LRMDA: variants seen among roughly 807,000 people sequenced by gnomAD.
LRMDA encodes leucine-rich melanocyte differentiation-associated protein.
In LRMDA, 18 loss-of-function variants were observed where a neutral mutation model predicts 29.8. That is an observed-to-expected ratio of 0.60 (90% CI 0.42 to 0.90). LRMDA has a LOEUF of 0.90. LRMDA is among the 40% of genes least tolerant of loss of function. The pLI, the probability that LRMDA is intolerant of heterozygous loss-of-function variation, is 0.00. For missense variants in LRMDA, 273 were observed against 273.9 expected (o/e 1.00, Z 0.02); for synonymous variants, 125 against 109.4 (o/e 1.14, Z -0.89).
At chr10:76,385,422 C>T (rs942487947) in intron 6 of LRMDA, among the ~76,000 whole-genome samples, 3 of 152,004 alleles carry the variant, frequency 2.0e-5, no homozygotes, top group African/African-American at 7.3e-5. Flanking sequence ...CCTGGGAGAC[C>T]CCAAAAGGTA....
At chr10:76,151,181 C>CAAAACGA (rs1425579526) in intron 5 of LRMDA, among the ~76,000 whole-genome samples, 2 of 152,178 alleles carry the variant, frequency 1.3e-5, no homozygotes, top group African/African-American at 4.8e-5. Context: ...TCTTCGTTGT[C>CAAAACGA]AGCTTTTGGT....
At chr10:76,145,669 T>G (rs4483530) in intron 5 of LRMDA, among the ~76,000 whole-genome samples, 104,519 of 150,836 alleles carry the variant, frequency 0.69, 36,792 homozygotes, top group East Asian at 0.85. Context: ...TTTTTGAAGG[T>G]ATTTTTGTGT....
intron 2 of LRMDA, among the ~76,000 whole-genome samples, chr10:75,562,152 T>A (rs1006518072): frequency 2.6e-5 from 4 of 152,174 alleles, no homozygotes; most frequent in South Asian, 4.2e-4. Context: ...CCCATTATTA[T>A]TGTGTGGGAG....
At chr10:75,857,287 G>C (rs1844843721) in intron 2 of LRMDA, among the ~76,000 whole-genome samples, 1 of 152,178 alleles carries the variant, frequency 6.6e-6, no homozygotes, top group African/African-American at 2.4e-5. Context: ...GGGGCCAGAG[G>C]CTTTGGCATG....
intron 2 of LRMDA, among the ~76,000 whole-genome samples, chr10:75,573,718 A>G (rs1349307276): frequency 6.6e-6 from 1 of 152,184 alleles, no homozygotes. Context: ...AATAACATTC[A>G]GTTCTACTTG....
At chr10:75,815,289 C>T (rs1771956711) in intron 2 of LRMDA, among the ~76,000 whole-genome samples, 1 of 152,186 alleles carries the variant, frequency 6.6e-6, no homozygotes, top group African/African-American at 2.4e-5. Flanking sequence ...AACTTACTCA[C>T]CAGTATGTAG....
At position 76,552,617 on chromosome 10, in the gene LRMDA, G is replaced by T. The variant is rs148408500; in HGVS notation, c.602-4592G>T. ...CTAAAATGAACCTCTGAGATTATCT[G>T]GCCCCTTGCCCTTGTTTTACAAATG... On this transcript the variant is annotated intron_variant, in intron 6 of 6. Transcript: ENST00000611255. Among the ~76,000 whole-genome samples, 265 of 152,310 alleles carry T rather than the reference G, an allele frequency of 1.7e-3. 3 individuals carry two copies. Among genetic ancestry groups the T allele is most frequent in the Admixed American group, 3.5e-3 (54 of 15,298 alleles).
intron 2 of LRMDA, among the ~76,000 whole-genome samples, chr10:75,944,933 G>T (rs994496804): frequency 1.3e-5 from 2 of 151,656 alleles, no homozygotes; most frequent in Non-Finnish European, 2.9e-5. Flanking sequence ...CTACTTTAAA[G>T]CATTTGAGTC....
At chr10:75,457,118 AC>A (rs376756140) in intron 2 of LRMDA, among the ~76,000 whole-genome samples, 26 of 152,328 alleles carry the variant, frequency 1.7e-4, no homozygotes, top group Admixed American at 5.2e-4. Context: ...CAGCTTAAAG[AC>A]AGAGAACAAA....
intron 5 of LRMDA, among the ~76,000 whole-genome samples, chr10:76,152,250 T>C (rs1338679233): frequency 1.3e-5 from 2 of 152,202 alleles, no homozygotes; most frequent in East Asian, 3.9e-4. Context: ...CTTGGCATTT[T>C]ATACAAATGT....
chr10:76,108,563 GATGTTAA>G (rs1270953959), intron 5 of LRMDA, among the ~76,000 whole-genome samples: 1 of 152,122 alleles, frequency 6.6e-6, no homozygotes, highest in Non-Finnish European at 1.5e-5. Flanking sequence ...AAATCACCCA[GATGTTAA>G]TCATGTTTTT....
intron 2 of LRMDA, among the ~76,000 whole-genome samples, chr10:75,522,119 C>A (rs1020356818): frequency 2.6e-5 from 4 of 152,170 alleles, no homozygotes; most frequent in African/African-American, 7.2e-5. Flanking sequence ...GTACAGCACC[C>A]CTCTTGAAGC....
chr10:75,604,601 T>A (rs954303526), intron 2 of LRMDA, among the ~76,000 whole-genome samples: 2 of 152,152 alleles, frequency 1.3e-5, no homozygotes, highest in Non-Finnish European at 2.9e-5. Flanking sequence ...ACTGATTATA[T>A]GAATTGGAGT....
intron 6 of LRMDA, among the ~76,000 whole-genome samples, chr10:76,380,670 TA>T (rs531185581): frequency 0.02 from 1,083 of 54,752 alleles, 9 homozygotes; most frequent in African/African-American, 0.043. Flanking sequence ...CTCCACTTCA[TA>T]AAAAAAAAAA....
chr10:76,130,209 CT>C lies in LRMDA; in HGVS notation c.516+71427del, dbSNP rs1319584650. ...ACGAGTTCCCAGCTTCATACCCAAT[CT>C]CCACTTAGACTCATCCAGAATATTT... On this transcript the variant is annotated intron_variant, in intron 5 of 6. Transcript: ENST00000611255. Among the ~76,000 whole-genome samples the C allele has an allele frequency of 3.3e-5, 5 of 151,384 alleles. No individual in the cohort carries two copies. The South Asian group carries it at 8.4e-4, about 25-fold the overall frequency.
intron 2 of LRMDA, among the ~76,000 whole-genome samples, chr10:75,893,920 G>A (rs1379601003): frequency 7.4e-6 from 1 of 134,796 alleles, no homozygotes; most frequent in Admixed American, 7.7e-5. Context: ...GTGACAGACT[G>A]ACTCCGTCTC....
intron 2 of LRMDA, among the ~76,000 whole-genome samples, chr10:75,683,560 T>C (rs563225480): frequency 6.6e-6 from 1 of 152,294 alleles, no homozygotes; most frequent in Admixed American, 6.5e-5. Context: ...CATAGAGAAA[T>C]ACTGTATATT....
intron 5 of LRMDA, among the ~76,000 whole-genome samples, chr10:76,150,081 G>C (rs150230662): frequency 1.3e-5 from 2 of 152,192 alleles, no homozygotes; most frequent in Non-Finnish European, 1.5e-5. Context: ...TGTCTCCTTG[G>C]GGGGAAGTTT....
intron 5 of LRMDA, among the ~76,000 whole-genome samples, chr10:76,301,713 G>C (rs1310449717): frequency 6.6e-6 from 1 of 152,138 alleles, no homozygotes; most frequent in East Asian, 1.9e-4. Context: ...GACCCAAGTA[G>C]ACAAATGGCT....
Sources: allele counts gnomAD v4.1 joint callset (sites outside exome capture counted in the v4.1 genomes callset), GRCh38; gene constraint gnomAD v4.1.1; transcripts MANE v1.5; gene names NCBI Gene and HGNC (gene_info 2026-07-23, HGNC 2026-07-21).